Variants in SGCD observed in about 807,000 individuals in gnomAD.
SGCD encodes delta-sarcoglycan.
In SGCD, 18 loss-of-function variants were observed where a neutral mutation model predicts 36.6. The observed-to-expected ratio is 0.49, with a 90% CI of 0.34 to 0.73. The LOEUF (loss-of-function observed/expected upper bound fraction) is 0.73. Among genes scored for constraint, SGCD ranks in the 30% least tolerant of loss-of-function variants. The pLI is 0.01. For synonymous variants in SGCD, 133 were observed against 130.6 expected, an observed-to-expected ratio of 1.02 and a Z score of -0.12; for missense variants, 387 against 346.7, an observed-to-expected ratio of 1.12 and a Z score of -0.92.
chr5:155,958,415 G>A (rs953633595), intron 1 of SGCD, among the ~76,000 whole-genome samples: 2 of 152,094 alleles, frequency 1.3e-5, no homozygotes, highest in African/African-American at 4.8e-5. Context: ...GCATTGGCAG[G>A]CTGGGATGTA....
chr5:155,764,289 T>G, the SGCD span, among the ~76,000 whole-genome samples: 1 of 152,180 alleles, frequency 6.6e-6, no homozygotes, highest in Admixed American at 6.5e-5. Flanking sequence ...CAGTACTCCT[T>G]AAATGCTACA....
chr5:155,834,289 T>C, the SGCD span, among the ~76,000 whole-genome samples: 3 of 152,166 alleles, frequency 2.0e-5, no homozygotes, highest in Admixed American at 6.5e-5. Flanking sequence ...TAAACCTTGA[T>C]TGATTTGAAA....
intron 3 of SGCD, among the ~76,000 whole-genome samples, chr5:156,215,655 G>A (rs1345167092): frequency 6.6e-6 from 1 of 152,084 alleles, no homozygotes; most frequent in Non-Finnish European, 1.5e-5. Flanking sequence ...AGTTAGAATG[G>A]CTATTATCAA....
rs537197278 is a variant in SGCD, at chr5:156,462,615, A to AT, written c.193-45982dup. Among the ~76,000 whole-genome samples the AT allele has an allele frequency of 1.4e-4, 22 of 152,314 alleles. No individual in the cohort carries two copies. In the South Asian group the frequency reaches 4.6e-3, roughly 32 times the overall value. On this transcript the variant is annotated intron_variant, in intron 3 of 8. Transcript: ENST00000337851. ...TTATGTATAGAAGAGGATTAAGTGG[A>AT]TTTTGACTGGCTAGCAATAGAAATA...
intron 7 of SGCD, among the ~76,000 whole-genome samples, chr5:156,726,887 T>C (rs1297992873): frequency 6.6e-6 from 1 of 152,228 alleles, no homozygotes; most frequent in Non-Finnish European, 1.5e-5. Context: ...GTGGTCAAGT[T>C]ACTTAACCTC....
At chr5:156,431,852 A>G (rs1753026013) in intron 3 of SGCD, among the ~76,000 whole-genome samples, 1 of 152,018 alleles carries the variant, frequency 6.6e-6, no homozygotes, top group Non-Finnish European at 1.5e-5. Flanking sequence ...AGTAGCTGGG[A>G]TTACAGGCAT....
chr5:156,433,890 G>C (rs921369000), intron 3 of SGCD, among the ~76,000 whole-genome samples: 5 of 152,148 alleles, frequency 3.3e-5, no homozygotes, highest in Admixed American at 3.3e-4. Context: ...TGTTGACCTT[G>C]ACCTTGTTGT....
At chr5:155,821,311 G>GT in the SGCD span, among the ~76,000 whole-genome samples, 686 of 147,866 alleles carry the variant, frequency 4.6e-3, 2 homozygotes, top group African/African-American at 0.012. Context: ...TCATTGAAGA[G>GT]TTTTTTTTTT....
At chr5:156,285,920 C>T (rs1304653091) in intron 3 of SGCD, among the ~76,000 whole-genome samples, 1 of 152,098 alleles carries the variant, frequency 6.6e-6, no homozygotes, top group Non-Finnish European at 1.5e-5. Flanking sequence ...TTTTAATCTA[C>T]TCATCTGACA....
At chr5:155,792,717 A>G in the SGCD span, among the ~76,000 whole-genome samples, 1 of 152,186 alleles carries the variant, frequency 6.6e-6, no homozygotes, top group Non-Finnish European at 1.5e-5. Context: ...ACCATCTCAC[A>G]CCAGTCAAAA....
At chr5:156,239,512 C>T (rs1234679507) in intron 3 of SGCD, among the ~76,000 whole-genome samples, 1 of 151,272 alleles carries the variant, frequency 6.6e-6, no homozygotes, top group African/African-American at 2.4e-5. Flanking sequence ...AGTATGAAAC[C>T]AAATAATCTG....
At chr5:156,673,848 C>T (rs887164932) in intron 7 of SGCD, among the ~76,000 whole-genome samples, 1 of 152,174 alleles carries the variant, frequency 6.6e-6, no homozygotes, top group African/African-American at 2.4e-5. Context: ...TTTGCCATGA[C>T]ATGTGAGGAA....
At chr5:155,856,293 A>T in the SGCD span, among the ~76,000 whole-genome samples, 1 of 152,174 alleles carries the variant, frequency 6.6e-6, no homozygotes, top group African/African-American at 2.4e-5. Context: ...TAATAAAAAC[A>T]TTGACCCAAA....
At chr5:156,522,825 G>A (rs1757472489) in intron 4 of SGCD, among the ~76,000 whole-genome samples, 1 of 148,932 alleles carries the variant, frequency 6.7e-6, no homozygotes, top group East Asian at 2.0e-4. Flanking sequence ...TCTTATTAAA[G>A]TCTAAATTCC....
intron 3 of SGCD, among the ~76,000 whole-genome samples, chr5:156,229,975 T>A (rs2127650794): frequency 6.6e-6 from 1 of 152,334 alleles, no homozygotes; most frequent in East Asian, 1.9e-4. Flanking sequence ...CAGTGCATTT[T>A]GCACTTCTGT....
chr5:155,954,864 G>T (rs1237373617), intron 1 of SGCD, among the ~76,000 whole-genome samples: 2 of 152,110 alleles, frequency 1.3e-5, no homozygotes, highest in Non-Finnish European at 2.9e-5. Context: ...CTACGAGAGA[G>T]CTCATGTGTA....
chr5:156,143,666 T>A (rs1762629234), intron 3 of SGCD, among the ~76,000 whole-genome samples: 1 of 152,180 alleles, frequency 6.6e-6, no homozygotes, highest in African/African-American at 2.4e-5. Context: ...GAGGTTTAAG[T>A]TTTGATGACT....
intron 3 of SGCD, among the ~76,000 whole-genome samples, chr5:156,379,032 C>A (rs1386964675): frequency 6.6e-6 from 1 of 152,130 alleles, no homozygotes; most frequent in African/African-American, 2.4e-5. Context: ...TATGTACTCA[C>A]AAACCTATTC....
At chr5:156,589,628 G>C (rs570962470) in intron 5 of SGCD, among the ~76,000 whole-genome samples, 3 of 152,156 alleles carry the variant, frequency 2.0e-5, no homozygotes, top group Non-Finnish European at 4.4e-5. Flanking sequence ...CCAAAGAAAA[G>C]CTTCTTGCTC....
Sources: allele counts gnomAD v4.1 joint callset (sites outside exome capture counted in the v4.1 genomes callset), GRCh38; gene constraint gnomAD v4.1.1; transcripts MANE v1.5; gene names NCBI Gene and HGNC (gene_info 2026-07-23, HGNC 2026-07-21).